PHKA1: variants seen among roughly 807,000 people sequenced by gnomAD.
PHKA1 encodes the protein phosphorylase b kinase regulatory subunit alpha, skeletal muscle isoform.
Under a neutral mutation model 110.2 loss-of-function variants are expected in PHKA1, and 60 were observed. The observed-to-expected ratio is 0.54, with a 90% CI of 0.44 to 0.68. The LOEUF (loss-of-function observed/expected upper bound fraction) is 0.68. Ranked by LOEUF, PHKA1 falls within the 30% of genes least tolerant of loss-of-function variation. PHKA1 has a pLI of 0.00. For missense variants in PHKA1, 801 were observed against 942.5 expected (o/e 0.85, Z 1.97); for synonymous variants, 316 against 333.6 (o/e 0.95, Z 0.58).
chrX:72,607,226 G>A (rs1240900577), intron 23 of PHKA1, among the ~76,000 whole-genome samples: 9 of 111,469 alleles, frequency 8.1e-5, no homozygotes, highest in African/African-American at 2.9e-4. Flanking sequence ...TCCTTTCTTT[G>A]GGTATATACC....
chrX:72,625,221 C>T (rs903049425), intron 17 of PHKA1, among the ~76,000 whole-genome samples: 1 of 111,574 alleles, frequency 9.0e-6, no homozygotes, highest in Non-Finnish European at 1.9e-5. Flanking sequence ...AGCACAGTAT[C>T]CAATAGGTAG....
At chrX:72,621,774 G>C (rs2052982797) in intron 18 of PHKA1, 1 of 749,513 alleles carries the variant, frequency 1.3e-6, no homozygotes, top group South Asian at 6.9e-5. Context: ...ACAATCTAGA[G>C]ACTTGAGTGG....
intron 17 of PHKA1, among the ~76,000 whole-genome samples, chrX:72,626,336 CTT>C (rs1202933254): frequency 2.7e-5 from 3 of 110,292 alleles, no homozygotes; most frequent in African/African-American, 9.9e-5. Flanking sequence ...AAAATAAAAA[CTT>C]AAGTGGAAAA....
intron 13 of PHKA1, among the ~76,000 whole-genome samples, chrX:72,645,303 C>G (rs2053347829): frequency 8.9e-6 from 1 of 112,602 alleles, no homozygotes; most frequent in Admixed American, 9.3e-5. Context: ...TCCTCTAGTG[C>G]TGGTAGATGT....
At chrX:72,614,345 G>T (rs782164779) in intron 21 of PHKA1, among the ~76,000 whole-genome samples, 2 of 111,373 alleles carry the variant, frequency 1.8e-5, no homozygotes, top group African/African-American at 6.5e-5. Flanking sequence ...CTGAAGGAGG[G>T]CTATCCAGAA....
At chrX:72,701,650 T>A (rs1180023465) in intron 3 of PHKA1, among the ~76,000 whole-genome samples, 1 of 110,928 alleles carries the variant, frequency 9.0e-6, no homozygotes, top group Non-Finnish European at 1.9e-5. Context: ...ACCCAGGAGG[T>A]GGAGATTGCA....
intron 3 of PHKA1, among the ~76,000 whole-genome samples, chrX:72,698,538 A>G (rs1556328308): frequency 8.9e-6 from 1 of 112,466 alleles, no homozygotes; most frequent in Non-Finnish European, 1.9e-5. Flanking sequence ...ATCAGGTGTC[A>G]AAATTTGGCA....
At chrX:72,598,955 C>CAAT (rs2052624977) in intron 28 of PHKA1, among the ~76,000 whole-genome samples, 2 of 111,318 alleles carry the variant, frequency 1.8e-5, no homozygotes, top group South Asian at 7.7e-4. Flanking sequence ...GATGAACTGC[C>CAAT]ATTTAATTAT....
At chrX:72,582,112 A>C (rs782735644) in intron 31 of PHKA1, among the ~76,000 whole-genome samples, 1 of 112,095 alleles carries the variant, frequency 8.9e-6, no homozygotes, top group Non-Finnish European at 1.9e-5. Flanking sequence ...TTGAAATATG[A>C]TGCTAATGGT....
At chrX:72,645,974 G>A (rs1366554033) in intron 13 of PHKA1, among the ~76,000 whole-genome samples, 1 of 111,882 alleles carries the variant, frequency 8.9e-6, no homozygotes, top group Non-Finnish European at 1.9e-5. Flanking sequence ...GATTAGGAAG[G>A]ATATAGCCCT....
intron 17 of PHKA1, among the ~76,000 whole-genome samples, chrX:72,625,929 C>A (rs1235613684): frequency 2.7e-5 from 3 of 111,415 alleles, no homozygotes; most frequent in African/African-American, 9.8e-5. Flanking sequence ...GCCTCCCAAA[C>A]TAAGTGTGAT....
chrX:72,701,615 A>G (rs1379235408), intron 3 of PHKA1, among the ~76,000 whole-genome samples: 1 of 111,239 alleles, frequency 9.0e-6, no homozygotes, highest in African/African-American at 3.3e-5. Flanking sequence ...GCTCCTCGGG[A>G]GGCTGAGGCA....
chrX:72,638,074 G>A (rs782337484), intron 14 of PHKA1, among the ~76,000 whole-genome samples: 11 of 111,508 alleles, frequency 9.9e-5, no homozygotes, highest in African/African-American at 3.6e-4. Context: ...TGACTTTTGT[G>A]TGCTGATTCT....
At position 72,603,218 on chromosome X, in the gene PHKA1, C is replaced by T. The variant is rs1556246272; in HGVS notation, c.2818G>A (p.Glu940Lys). Residue 940 changes from glutamate (E) to lysine (K), a missense_variant and splice_region_variant, in exon 26 of 32, where the codon GAG (glutamate) becomes AAG (lysine). Around this residue, in one of 2 missense-constraint regions of PHKA1, gnomAD observed 502 missense variants for 519.2 expected, o/e 0.97. Coordinates refer to ENST00000373542, the MANE Select transcript of PHKA1 (RefSeq NM_002637.4). ...ELAHSLRCSAEEATEGLMNLS... is the reference protein window; with the variant it reads ...ELAHSLRCSAKEATEGLMNLS... ...TTCATCAGGCCCTCTGTGGCTTCCT[C>T]AGCTAGTCAGCAGAAATGTTAGAAC... is the stretch of plus-strand genomic sequence containing the variant. 8.6e-7 allele frequency: 1 copy of T among 1,156,660 alleles called. No individual in the cohort carries two copies. The highest frequency in any genetic ancestry group is 3.0e-5 in the East Asian group (1 of 33,570).
chrX:72,648,012 C>G (rs1378949313), intron 13 of PHKA1, among the ~76,000 whole-genome samples: 3 of 111,438 alleles, frequency 2.7e-5, no homozygotes, highest in Admixed American at 1.9e-4. Flanking sequence ...TCACTGGTAA[C>G]TTAAGCAAGA....
At chrX:72,635,022 A>G in intron 16 of PHKA1, 133 bp downstream of exon 16, 1 of 815,250 alleles carries the variant, frequency 1.2e-6, no homozygotes, top group Non-Finnish European at 1.8e-6. Context: ...CTTGGCATAA[A>G]ATAGGAGCCA....
chrX:72,641,922 G>A (rs1196668376), intron 14 of PHKA1, among the ~76,000 whole-genome samples: 3 of 111,717 alleles, frequency 2.7e-5, no homozygotes, highest in South Asian at 3.8e-4. Flanking sequence ...ATGTAACACC[G>A]TGGTCATAGC....
intron 28 of PHKA1, 28 bp downstream of exon 28, chrX:72,601,963 C>A: frequency 8.8e-7 from 1 of 1,138,686 alleles, no homozygotes; most frequent in East Asian, 3.0e-5. Context: ...TAAGTTAAAC[C>A]ATGTTAAATG....
intron 11 of PHKA1, among the ~76,000 whole-genome samples, 162 bp from the exon 12 acceptor site, chrX:72,652,813 A>G (rs2053446194): frequency 9.0e-6 from 1 of 111,703 alleles, no homozygotes; most frequent in Non-Finnish European, 1.9e-5. Flanking sequence ...GTGCTCCCCA[A>G]CTGTGATGTG....
Sources: allele counts gnomAD v4.1 joint callset (sites outside exome capture counted in the v4.1 genomes callset), GRCh38; gene constraint gnomAD v4.1.1; regional missense constraint gnomAD v4.1.1; transcripts MANE v1.5; gene names NCBI Gene and HGNC (gene_info 2026-07-23, HGNC 2026-07-21).